The following PRDM15 variants were observed in gnomAD, a reference collection of about 807,000 sequenced individuals.
PRDM15 encodes the protein PR domain zinc finger protein 15.
A neutral mutation model predicts 128.6 loss-of-function variants in PRDM15; 64 were observed. That is an observed-to-expected ratio of 0.50 (90% CI 0.41 to 0.61). The LOEUF (loss-of-function observed/expected upper bound fraction) is 0.61, where lower values mean the gene tolerates loss of function less well. Among genes scored for constraint, PRDM15 ranks in the 20% least tolerant of loss-of-function variants. The probability of loss-of-function intolerance (pLI) is 0.00; values close to 1 mark genes in which losing one functional copy is unlikely to be tolerated. For missense variants in PRDM15, 1,242 were observed against 1,569.1 expected (o/e 0.79, Z 3.52); for synonymous variants, 615 against 621.8 (o/e 0.99, Z 0.16).
At position 41,871,514 on chromosome 21, in the gene PRDM15, C is replaced by G. The variant is rs201021233; in HGVS notation, c.-10+7756G>C. ...CCCACCAGGAGGTAGGGCAGGATTG[C>G]GTCGCAGGCCTGCACTCGCAGGGCT... On this transcript the variant is annotated intron_variant, in intron 1 of 23. Coordinates refer to ENST00000398548, the MANE Select transcript of PRDM15 (RefSeq NM_001040424.3). 3.8e-5 allele frequency: 61 copies of G among 1,605,740 alleles called. 1 individual carries two copies. Among genetic ancestry groups the G allele is most frequent in the Middle Eastern group, 4.0e-4 (2 of 4,976 alleles).
intron 12 of PRDM15, among the ~76,000 whole-genome samples, chr21:41,827,113 G>A (rs933051742): frequency 6.6e-6 from 1 of 152,180 alleles, no homozygotes; most frequent in East Asian, 1.9e-4. Flanking sequence ...AGGCACAGTA[G>A]CTTGCTAAGG....
At chr21:41,878,994 A>C (rs868238928) in intron 1 of PRDM15, 3 of 999,552 alleles carry the variant, frequency 3.0e-6, no homozygotes, top group South Asian at 8.0e-5. Flanking sequence ...CGGCGGCGGG[A>C]CCCGGCGGGC....
At chr21:41,823,147 C>T (rs763330507) in intron 14 of PRDM15, 171 bp downstream of exon 14, 1 of 855,446 alleles carries the variant, frequency 1.2e-6, no homozygotes, top group South Asian at 1.4e-5. Context: ...TGAGCCTCGC[C>T]AGACACCGAA....
At chr21:41,820,226 C>T in intron 16 of PRDM15, 52 bp from the exon 17 acceptor site, 1 of 1,447,714 alleles carries the variant, frequency 6.9e-7, no homozygotes, top group East Asian at 2.3e-5. Context: ...GGCTCCACGG[C>T]AGCGAGGGCA....
At chr21:41,843,870 GC>G (rs1222844984) in intron 6 of PRDM15, among the ~76,000 whole-genome samples, 1 of 150,710 alleles carries the variant, frequency 6.6e-6, no homozygotes, top group Non-Finnish European at 1.5e-5. Context: ...GATCATTTGA[GC>G]CCATGAGTTT....
chr21:41,847,425 A>G (rs2063300953), intron 5 of PRDM15, among the ~76,000 whole-genome samples: 1 of 152,190 alleles, frequency 6.6e-6, no homozygotes, highest in Non-Finnish European at 1.5e-5. Context: ...CTGAGCACAG[A>G]GACACGCCTG....
At chr21:41,851,738 C>T (rs112277078) in intron 5 of PRDM15, among the ~76,000 whole-genome samples, 3,655 of 152,090 alleles carry the variant, frequency 0.024, 133 homozygotes, top group African/African-American at 0.076. Context: ...GGGGCTCTCT[C>T]GGGAAGGAAA....
At chr21:41,853,227 G>A (rs2063481960) in intron 5 of PRDM15, among the ~76,000 whole-genome samples, 1 of 152,246 alleles carries the variant, frequency 6.6e-6, no homozygotes, top group African/African-American at 2.4e-5. Flanking sequence ...TGGGATTAGG[G>A]ACAACCAGGG....
intron 18 of PRDM15, among the ~76,000 whole-genome samples, chr21:41,816,261 TAAG>T (rs1056237457): frequency 7.9e-5 from 12 of 152,338 alleles, no homozygotes; most frequent in Middle Eastern, 3.4e-3. Context: ...ACCTGTAATT[TAAG>T]AAGCCAATCT....
At chr21:41,830,491 CCA>C (rs1363245099) in intron 11 of PRDM15, among the ~76,000 whole-genome samples, 20 of 151,114 alleles carry the variant, frequency 1.3e-4, no homozygotes, top group Admixed American at 3.3e-4. Context: ...TGAACACATA[CCA>C]CACACACATA....
intron 19 of PRDM15, chr21:41,814,094 C>T (rs9980568): frequency 0.027 from 3,418 of 127,494 alleles, 115 homozygotes; most frequent in Middle Eastern, 0.047. Context: ...TTAGTGATTG[C>T]GCAGGGTGCT....
intron 13 of PRDM15, among the ~76,000 whole-genome samples, chr21:41,825,553 C>T (rs1050529556): frequency 6.6e-6 from 1 of 152,206 alleles, no homozygotes; most frequent in African/African-American, 2.4e-5. Context: ...CCATCCACTG[C>T]ACGGAGGAGA....
At chr21:41,835,651 C>CG (rs1372186881) in intron 10 of PRDM15, 127 bp from the exon 11 acceptor site, 4 of 692,314 alleles carry the variant, frequency 5.8e-6, no homozygotes, top group Non-Finnish European at 1.0e-5. Flanking sequence ...ACCACCCTCC[C>CG]GCTCTATTTA....
chr21:41,835,314 A>G (rs906593381), intron 11 of PRDM15, 123 bp downstream of exon 11: 2 of 792,520 alleles, frequency 2.5e-6, no homozygotes, highest in African/African-American at 3.4e-5. Context: ...GGGAAATGTT[A>G]AAAGTGAGGC....
In PRDM15 at chr21:41,854,858, C is replaced by T; in HGVS notation, c.286-40G>A. The T allele has an allele frequency of 6.4e-7, 1 of 1,571,696 alleles. No homozygotes were observed. The highest frequency in any genetic ancestry group is 8.6e-7 in the Non-Finnish European group (1 of 1,156,220). Reference sequence around the variant, plus strand: ...GCCCATGGAGAAGCCGGGGAAATGGCTGATTACCCATCTGTGTATCAGCGT... The same window carrying T: ...GCCCATGGAGAAGCCGGGGAAATGGTTGATTACCCATCTGTGTATCAGCGT... On this transcript the variant is annotated intron_variant, in intron 4 of 23. Transcript: ENST00000398548. This position sits in a 1 kb window ranked among gnomAD's most constrained non-coding sequence, Gnocchi z 4.6.
intron 21 of PRDM15, among the ~76,000 whole-genome samples, chr21:41,807,889 C>G (rs1231238790): frequency 6.6e-6 from 1 of 152,130 alleles, no homozygotes; most frequent in Non-Finnish European, 1.5e-5. Flanking sequence ...CCGGGTTGGG[C>G]TTGAGGGGAG....
chr21:41,803,470 T>C (rs116065629), intron 22 of PRDM15, among the ~76,000 whole-genome samples: 3 of 152,188 alleles, frequency 2.0e-5, no homozygotes, highest in African/African-American at 4.8e-5. Context: ...GACCACATCC[T>C]CTGAACCGGG....
intron 21 of PRDM15, among the ~76,000 whole-genome samples, chr21:41,806,445 C>T (rs1456407389): frequency 4.9e-5 from 3 of 61,140 alleles, no homozygotes; most frequent in Admixed American, 1.8e-4. Context: ...ACCACCATCA[C>T]CACCACCCAT....
In PRDM15 at chr21:41,801,366, C is replaced by A. The variant is rs369599731; in HGVS notation, c.3300G>T (p.Pro1100=). The change falls in exon 24 of 24, where the codon CCG becomes CCT. Residue 1100 remains proline (P), a synonymous_variant. Transcript: ENST00000398548. ...PLGSQLSDQH[P]LTWRAVPQTD... is the part of the protein sequence containing the mutation. ...TCTGGGGCACTGCCCGCCACGTGAG[C>A]GGGTGCTGGTCACTAAGCTGGCTCC... 1 of 1,609,144 alleles carries A rather than the reference C, an allele frequency of 6.2e-7. No homozygotes were observed. Among genetic ancestry groups the A allele is most frequent in the African/African-American group, 1.3e-5 (1 of 74,966 alleles).
Sources: gnomAD v4.1 joint callset for allele counts (sites outside exome capture counted in the v4.1 genomes callset) on GRCh38, gnomAD v4.1.1 for gene constraint, Gnocchi (gnomAD v3.1) non-coding constraint, MANE v1.5 for transcripts, NCBI Gene and HGNC (gene_info 2026-07-23, HGNC 2026-07-21) for gene names.